Variants in CCDC171 observed in about 807,000 individuals in gnomAD.
CCDC171 encodes the protein coiled-coil domain containing 171.
CCDC171 carries 177 observed loss-of-function variants against 168.2 expected under a neutral mutation model. The ratio of observed to expected loss-of-function variants is 1.05; its 90% confidence interval spans 0.93 to 1.19. CCDC171 has a LOEUF of 1.19. CCDC171 is among the 50% of genes most tolerant of loss of function. The probability of loss-of-function intolerance (pLI) is 0.00; values close to 1 mark genes in which losing one functional copy is unlikely to be tolerated. For missense variants in CCDC171, 1,991 were observed against 1,539.0 expected (o/e 1.29, Z -4.91); for synonymous variants, 687 against 540.8 (o/e 1.27, Z -3.75).
At position 15,888,949 on chromosome 9, in the gene CCDC171, C is replaced by CTTTTTTTTT. The variant is rs371508341; in HGVS notation, c.3600+14304_3600+14312dup. On this transcript the variant is annotated intron_variant, in intron 24 of 25. Coordinates refer to ENST00000380701, the MANE Select transcript of CCDC171 (RefSeq NM_173550.4). ...ATGGTATATGCCTCATTTTTCTTTT[C>CTTTTTTTTT]TTTTTTTTTTTTTTTTTTTTTTTTT... 151 of 73,346 alleles carry CTTTTTTTTT rather than the reference C, an allele frequency of 2.1e-3. 11 individuals carry two copies. The highest frequency in any genetic ancestry group is 2.9e-3 in the Non-Finnish European group (114 of 39,898). 4.5% of individuals were successfully genotyped at this position (73,346 alleles called of 1,614,324 possible).
chr9:15,675,393 G>C (rs529132032), intron 9 of CCDC171, among the ~76,000 whole-genome samples: 1 of 151,994 alleles, frequency 6.6e-6, no homozygotes, highest in Non-Finnish European at 1.5e-5. Flanking sequence ...ATACTGTTAT[G>C]TGTGAATCTG....
the CCDC171 span, among the ~76,000 whole-genome samples, chr9:16,089,780 G>A: frequency 6.6e-6 from 1 of 151,574 alleles, no homozygotes; most frequent in East Asian, 1.9e-4. Flanking sequence ...GATATGAACA[G>A]ACACTTCTCA....
At chr9:16,096,463 C>T in the CCDC171 span, among the ~76,000 whole-genome samples, 541 of 152,256 alleles carry the variant, frequency 3.6e-3, 3 homozygotes, top group Non-Finnish European at 6.3e-3. Context: ...CTGCTATGTT[C>T]GTGAGTTAAA....
At chr9:15,608,178 G>A (rs1036831673) in intron 6 of CCDC171, among the ~76,000 whole-genome samples, 2 of 152,240 alleles carry the variant, frequency 1.3e-5, no homozygotes, top group Non-Finnish European at 2.9e-5. Context: ...ATTCACAAGG[G>A]CAGAGCTGTC....
At chr9:15,687,686 G>A (rs943354709) in intron 10 of CCDC171, among the ~76,000 whole-genome samples, 5 of 152,166 alleles carry the variant, frequency 3.3e-5, no homozygotes, top group South Asian at 4.2e-4. Context: ...AATCATGAAC[G>A]AAAGGGGGAT....
intron 18 of CCDC171, among the ~76,000 whole-genome samples, chr9:15,749,251 C>T (rs1030344203): frequency 6.6e-6 from 1 of 152,052 alleles, no homozygotes; most frequent in Non-Finnish European, 1.5e-5. Flanking sequence ...GTAAAGGGAT[C>T]AATTCAACAA....
chr9:15,789,635 G>T (rs1391202381), intron 21 of CCDC171, among the ~76,000 whole-genome samples: 1 of 152,094 alleles, frequency 6.6e-6, no homozygotes, highest in Non-Finnish European at 1.5e-5. Flanking sequence ...AAGTTCTAGG[G>T]TACATGTGCA....
chr9:15,966,448 G>T (rs983332355), intron 25 of CCDC171, among the ~76,000 whole-genome samples: 21 of 152,216 alleles, frequency 1.4e-4, no homozygotes, highest in African/African-American at 5.1e-4. Flanking sequence ...GTATAGGGAA[G>T]CATGAAGAAT....
rs989257042 is a variant in CCDC171, at chr9:16,037,764, A to G, written n.1181+1558A>G. On this transcript the variant is annotated intron_variant and non_coding_transcript_variant, in intron 8 of 9. Transcript: ENST00000486641. Reference sequence around the variant, plus strand: ...AAAGTAGTAAACTGGAAGAGATTTAATTCCAATTCAGAATGCATCACAAAA... The same window carrying G: ...AAAGTAGTAAACTGGAAGAGATTTAGTTCCAATTCAGAATGCATCACAAAA... Among the ~76,000 whole-genome samples, 5 of 152,308 alleles carry G rather than the reference A, an allele frequency of 3.3e-5. No homozygotes were observed. The South Asian group carries it at 6.2e-4, about 19-fold the overall frequency.
At chr9:15,926,060 G>A (rs1421920403) in intron 25 of CCDC171, among the ~76,000 whole-genome samples, 2 of 131,878 alleles carry the variant, frequency 1.5e-5, no homozygotes, top group African/African-American at 4.9e-5. Flanking sequence ...CACAAAAATA[G>A]GCATATAAAA....
chr9:16,017,561 T>C (rs1833056919), intron 3 of CCDC171, among the ~76,000 whole-genome samples: 1 of 152,324 alleles, frequency 6.6e-6, no homozygotes, highest in East Asian at 1.9e-4. Flanking sequence ...TTCAAAGTTC[T>C]TAATTCTTAT....
At chr9:15,827,962 G>A (rs2060082428) in intron 21 of CCDC171, among the ~76,000 whole-genome samples, 1 of 152,184 alleles carries the variant, frequency 6.6e-6, no homozygotes, top group Non-Finnish European at 1.5e-5. Flanking sequence ...AAAATCTGAG[G>A]TGAGGACCTT....
At chr9:15,961,857 C>G (rs1047490238) in intron 25 of CCDC171, among the ~76,000 whole-genome samples, 1 of 151,950 alleles carries the variant, frequency 6.6e-6, no homozygotes, top group Admixed American at 6.6e-5. Flanking sequence ...GAAAAAAACC[C>G]CAACAATTCC....
chr9:15,559,655 C>T (rs1320717463), intron 1 of CCDC171, among the ~76,000 whole-genome samples: 2 of 152,140 alleles, frequency 1.3e-5, no homozygotes, highest in African/African-American at 2.4e-5. Context: ...CTCCTCAGTA[C>T]AGCACACTGA....
At position 15,732,278 on chromosome 9, in the gene CCDC171, T is replaced by A. The variant is rs112542009; in HGVS notation, c.2049+2480T>A. Among the ~76,000 whole-genome samples the A allele has an allele frequency of 1.4e-4, 22 of 152,224 alleles. 2 individuals carry two copies. Among genetic ancestry groups the A allele is most frequent in the African/African-American group, 5.3e-4 (22 of 41,570 alleles). On this transcript the variant is annotated intron_variant, in intron 16 of 25. Transcript: ENST00000380701. ...CCTTACTTCAAGGTTGGGAAGATAA[T>A]GTCTTGTTTCTTCTAGAAGTTTCAT... is the stretch of plus-strand genomic sequence containing the variant.
intron 1 of CCDC171, among the ~76,000 whole-genome samples, chr9:16,050,517 G>A (rs1833733976): frequency 6.6e-6 from 1 of 152,284 alleles, no homozygotes; most frequent in South Asian, 2.1e-4. Context: ...TTCTGCCCCT[G>A]TGCACACAGT....
chr9:15,950,956 G>A (rs200217714), intron 25 of CCDC171, among the ~76,000 whole-genome samples: 2 of 151,458 alleles, frequency 1.3e-5, no homozygotes, highest in African/African-American at 4.8e-5. Flanking sequence ...AAAACAAAAA[G>A]AGGCAGGGGT....
chr9:15,929,995 G>A (rs985985218), intron 25 of CCDC171, among the ~76,000 whole-genome samples: 3 of 151,606 alleles, frequency 2.0e-5, no homozygotes, highest in Non-Finnish European at 4.4e-5. Context: ...GTATTTACAT[G>A]TGTGAGTTCT....
chr9:15,927,052 A>C (rs1012966147), intron 25 of CCDC171, among the ~76,000 whole-genome samples: 1 of 151,702 alleles, frequency 6.6e-6, no homozygotes, highest in Non-Finnish European at 1.5e-5. Context: ...TTTATCAAAA[A>C]CATATGTCAT....
Sources: gnomAD v4.1 joint callset for allele counts (sites outside exome capture counted in the v4.1 genomes callset) on GRCh38, gnomAD v4.1.1 for gene constraint, MANE v1.5 for transcripts, NCBI Gene and HGNC (gene_info 2026-07-23, HGNC 2026-07-21) for gene names.